Variants in RNF130 observed in about 807,000 individuals in gnomAD.
RNF130 encodes E3 ubiquitin-protein ligase RNF130.
A neutral mutation model predicts 44.6 loss-of-function variants in RNF130; 21 were observed. That is an observed-to-expected ratio of 0.47 (90% CI 0.33 to 0.68). The LOEUF is 0.68. Among genes scored for constraint, RNF130 ranks in the 30% least tolerant of loss-of-function variants. RNF130 has a pLI of 0.02. For missense variants in RNF130, 479 were observed against 560.6 expected (o/e 0.85, Z 1.47); for synonymous variants, 214 against 210.4 (o/e 1.02, Z -0.15).
At chr5:180,014,260 C>G (rs1763664861) in intron 2 of RNF130, among the ~76,000 whole-genome samples, 1 of 152,172 alleles carries the variant, frequency 6.6e-6, no homozygotes, top group Non-Finnish European at 1.5e-5. Flanking sequence ...CAGCAGGAAA[C>G]TGCTATCCCT....
chr5:180,061,282 A>G lies in RNF130; in HGVS notation c.247+10174T>C, dbSNP rs1028463862. The stretch of plus-strand genomic sequence containing the variant: ...AGGATGGTCTTTTGGAAAAAACCAC[A>G]ACAACTGACGTGACTTCAGGCACAT... On this transcript the variant is annotated intron_variant, in intron 1 of 8. Transcript: ENST00000521389. Among the ~76,000 whole-genome samples the G allele has an allele frequency of 1.2e-4, 19 of 152,260 alleles. 1 individual carries two copies. The South Asian group carries it at 3.7e-3, about 30-fold the overall frequency.
chr5:179,974,750 C>G (rs565670302), intron 5 of RNF130, among the ~76,000 whole-genome samples: 2 of 152,206 alleles, frequency 1.3e-5, no homozygotes, highest in Admixed American at 1.3e-4. Flanking sequence ...GCGAGTGTCA[C>G]GAGATGCCGG....
chr5:179,931,919 C>A (rs1269910447), intron 7 of RNF130, among the ~76,000 whole-genome samples: 1 of 152,196 alleles, frequency 6.6e-6, no homozygotes, highest in Non-Finnish European at 1.5e-5. Context: ...TATCCCAGAT[C>A]TGCTATCCCC....
At chr5:179,964,919 C>T (rs1469632794) in intron 7 of RNF130, among the ~76,000 whole-genome samples, 1 of 152,150 alleles carries the variant, frequency 6.6e-6, no homozygotes, top group Non-Finnish European at 1.5e-5. Flanking sequence ...ACATATAAAA[C>T]CCACCATTTT....
At position 179,945,028 on chromosome 5, in the gene RNF130, C is replaced by G. The variant is rs1163207465; in HGVS notation, c.1150+21778G>C. Among the ~76,000 whole-genome samples, 4 of 152,128 alleles carry G rather than the reference C, an allele frequency of 2.6e-5. No homozygotes were observed. In the East Asian group the frequency reaches 5.8e-4, roughly 22 times the overall value. On this transcript the variant is annotated intron_variant, in intron 7 of 7. Coordinates refer to the RNF130 transcript ENST00000522208. Reference sequence around the variant, plus strand: ...GGGTGGCTCACGCCTATAATCCCAGCCACTTTGGGAGGCCAAGGCGGGTGG... The same window carrying G: ...GGGTGGCTCACGCCTATAATCCCAGGCACTTTGGGAGGCCAAGGCGGGTGG...
intron 1 of RNF130, among the ~76,000 whole-genome samples, chr5:180,064,995 T>C (rs1364561285): frequency 6.6e-6 from 1 of 152,218 alleles, no homozygotes; most frequent in Non-Finnish European, 1.5e-5. Flanking sequence ...TTGGACCAAG[T>C]TGTCTTGGTC....
intron 7 of RNF130, among the ~76,000 whole-genome samples, chr5:179,929,901 T>A (rs1221096932): frequency 6.6e-6 from 1 of 152,220 alleles, no homozygotes; most frequent in Admixed American, 6.5e-5. Context: ...CAGCCTGTTA[T>A]ATTCACTTAG....
At chr5:179,944,283 T>C (rs191056190) in intron 7 of RNF130, among the ~76,000 whole-genome samples, 2 of 152,300 alleles carry the variant, frequency 1.3e-5, no homozygotes, top group East Asian at 3.9e-4. Context: ...TTCTAATAAA[T>C]TTTAAGTCCT....
Position 180,013,132 on chromosome 5 carries a change from T to A in RNF130, c.622A>T (p.Ile208Phe). 1.2e-6 allele frequency: 2 copies of A among 1,614,012 alleles called. No homozygotes were observed. The highest frequency in any genetic ancestry group is 1.7e-6 in the Non-Finnish European group (2 of 1,180,008). The change falls in exon 3 of 9, where the codon ATT becomes TTT. Residue 208 changes from isoleucine to phenylalanine, a missense_variant. Coordinates refer to ENST00000521389, the MANE Select transcript of RNF130 (RefSeq NM_018434.6). ...TAGAATATGAGCCATGCTGAAGAAA[T>A]AATCATCAAAACAATAAAGGATATT... ...VSISFIVLMI[I>F]SSAWLIFYFI...
intron 2 of RNF130, among the ~76,000 whole-genome samples, chr5:180,022,586 T>A (rs888296479): frequency 1.3e-5 from 2 of 152,174 alleles, no homozygotes; most frequent in Admixed American, 1.3e-4. Flanking sequence ...AAGATTCCAA[T>A]GTAATGTTTG....
chr5:179,960,845 GA>G (rs5873676), intron 8 of RNF130, among the ~76,000 whole-genome samples: 99,978 of 147,862 alleles, frequency 0.68, 34,076 homozygotes, highest in Middle Eastern at 0.82. Context: ...CAATTAAGGT[GA>G]AAAAAAAAAA....
intron 1 of RNF130, among the ~76,000 whole-genome samples, chr5:180,053,070 C>T (rs146584759): frequency 1.3e-5 from 2 of 152,270 alleles, no homozygotes; most frequent in East Asian, 3.9e-4. Flanking sequence ...TCAAGAACAC[C>T]TCTGAGAGGC....
chr5:180,027,146 C>T (rs796608797), intron 2 of RNF130, among the ~76,000 whole-genome samples: 16 of 151,894 alleles, frequency 1.1e-4, no homozygotes, highest in South Asian at 6.2e-4. Flanking sequence ...AGGAGCAGGA[C>T]GGGGTGAAAG....
chr5:179,997,469 T>G (rs990082163), intron 3 of RNF130, among the ~76,000 whole-genome samples: 1 of 151,632 alleles, frequency 6.6e-6, no homozygotes, highest in Admixed American at 6.6e-5. Context: ...GACTACAGAC[T>G]CCCACCACCA....
In RNF130 at chr5:180,008,230, A is replaced by G. The variant is rs115517486; in HGVS notation, c.693+4831T>C. ...AAAGCCCAACTCCGCTAGCCAAAGT[A>G]CCAAGAGAAGGATGGCCTAACATCA... On this transcript the variant is annotated intron_variant, in intron 3 of 8. Transcript: ENST00000521389. Among the ~76,000 whole-genome samples, 253 of 152,028 alleles carry G rather than the reference A, an allele frequency of 1.7e-3. 1 individual carries two copies. The highest frequency in any genetic ancestry group is 5.8e-3 in the African/African-American group (239 of 41,516).
intron 2 of RNF130, among the ~76,000 whole-genome samples, chr5:180,023,509 G>A (rs1763919431): frequency 6.6e-6 from 1 of 152,142 alleles, no homozygotes; most frequent in Non-Finnish European, 1.5e-5. Context: ...GCACCAGAAA[G>A]TAAGAAAGTG....
chr5:180,010,495 G>C (rs939012955), intron 3 of RNF130, among the ~76,000 whole-genome samples: 10 of 152,016 alleles, frequency 6.6e-5, no homozygotes, highest in Non-Finnish European at 2.9e-5. Context: ...GAATGGATGG[G>C]ACTACAGGCG....
Position 179,967,014 on chromosome 5 carries a change from C to T in RNF130, c.946-4G>A, listed in dbSNP as rs775174175. On this transcript the variant is annotated splice_region_variant and splice_polypyrimidine_tract_variant and intron_variant, in intron 6 of 8. Coordinates refer to ENST00000521389, the MANE Select transcript of RNF130 (RefSeq NM_018434.6). Reference sequence around the variant, plus strand: ...TATCAGTACATGGCAAATTCGGCTGCAAAATATTTCCAGGTTAAAAATAAT... The same window carrying T: ...TATCAGTACATGGCAAATTCGGCTGTAAAATATTTCCAGGTTAAAAATAAT... The T allele has an allele frequency of 6.2e-6, 10 of 1,608,116 alleles. No individual in the cohort carries two copies. Among genetic ancestry groups the T allele is most frequent in the Middle Eastern group, 1.7e-4 (1 of 6,056 alleles).
intron 5 of RNF130, among the ~76,000 whole-genome samples, chr5:179,972,881 T>C (rs1218268367): frequency 6.6e-6 from 1 of 152,096 alleles, no homozygotes; most frequent in African/African-American, 2.4e-5. Context: ...ACTGTTTCCT[T>C]CTAGGATTAT....
Sources: gnomAD v4.1 joint callset for allele counts (sites outside exome capture counted in the v4.1 genomes callset) on GRCh38, gnomAD v4.1.1 for gene constraint, MANE v1.5 for transcripts, NCBI Gene and HGNC (gene_info 2026-07-23, HGNC 2026-07-21) for gene names.